The following BCO1 variants were observed in gnomAD, a reference collection of about 807,000 sequenced individuals.
The protein encoded by BCO1 is beta,beta-carotene 15,15'-dioxygenase.
A neutral mutation model predicts 56.3 loss-of-function variants in BCO1; 54 were observed. That is an observed-to-expected ratio of 0.96 (90% CI 0.77 to 1.20). The LOEUF is 1.20. Among genes scored for constraint, BCO1 ranks in the 50% most tolerant of loss-of-function variants. BCO1 has a pLI of 0.00. For missense variants in BCO1, 801 were observed against 690.9 expected, an observed-to-expected ratio of 1.16 and a Z score of -1.79; for synonymous variants, 318 against 266.1, an observed-to-expected ratio of 1.20 and a Z score of -1.90.
chr16:81,264,808 G>C, intron 5 of BCO1, 21 bp downstream of exon 5: 1 of 1,613,772 alleles, frequency 6.2e-7, no homozygotes, highest in Non-Finnish European at 8.5e-7. Flanking sequence ...CTGGGGAATT[G>C]AATAAAACAC....
chr16:81,248,265 T>C (rs1905547448), intron 2 of BCO1, among the ~76,000 whole-genome samples: 1 of 151,734 alleles, frequency 6.6e-6, no homozygotes, highest in Non-Finnish European at 1.5e-5. Flanking sequence ...TAGCTGAGCG[T>C]TGTGGTGAGC....
rs573726418 is a variant in BCO1, at chr16:81,289,889, G to A, written c.1415-459G>A. On this transcript the variant is annotated intron_variant, in intron 10 of 10. Coordinates refer to ENST00000258168, the MANE Select transcript of BCO1 (RefSeq NM_017429.3). ...TTGTTTGTTCGTTTGTTTTGAGGCCGTGTTTCACTCCGTCACCCAGGCTGG... is the reference window on the plus strand; with the variant it reads ...TTGTTTGTTCGTTTGTTTTGAGGCCATGTTTCACTCCGTCACCCAGGCTGG... Among the ~76,000 whole-genome samples the A allele has an allele frequency of 2.8e-4, 43 of 152,216 alleles. No homozygotes were observed. In the South Asian group the frequency reaches 8.7e-3, roughly 31 times the overall value.
intron 4 of BCO1, 78 bp downstream of exon 4, chr16:81,262,361 C>A: frequency 6.6e-7 from 1 of 1,515,042 alleles, no homozygotes; most frequent in South Asian, 1.1e-5. Flanking sequence ...TGAGGTTGCT[C>A]AGCCTGCAAG....
At chr16:81,286,733 A>G (rs968868159) in intron 9 of BCO1, among the ~76,000 whole-genome samples, 3 of 152,156 alleles carry the variant, frequency 2.0e-5, no homozygotes, top group African/African-American at 7.2e-5. Context: ...TTTTAAAAGA[A>G]TTCCTTCTAC....
At chr16:81,276,634 C>G (rs1412717523) in intron 7 of BCO1, among the ~76,000 whole-genome samples, 1 of 152,236 alleles carries the variant, frequency 6.6e-6, no homozygotes, top group East Asian at 1.9e-4. Flanking sequence ...GTCATCCTTT[C>G]AGACCAGCAC....
At chr16:81,255,895 G>A (rs1029907832) in intron 2 of BCO1, among the ~76,000 whole-genome samples, 6 of 151,446 alleles carry the variant, frequency 4.0e-5, no homozygotes, top group Admixed American at 6.6e-5. Context: ...GCACGATTTC[G>A]GCTCACTGCA....
chr16:81,274,010 C>T (rs535891443), intron 7 of BCO1, among the ~76,000 whole-genome samples: 5 of 152,168 alleles, frequency 3.3e-5, no homozygotes, highest in South Asian at 4.1e-4. Flanking sequence ...GAGCCCTGGG[C>T]GCCTGCACCC....
intron 1 of BCO1, among the ~76,000 whole-genome samples, chr16:81,240,751 G>A (rs1243436038): frequency 2.0e-5 from 3 of 151,592 alleles, no homozygotes; most frequent in Admixed American, 6.6e-5. Flanking sequence ...TGGCCAACCT[G>A]GTATGGTGAA....
rs1567467570 is a variant in BCO1, at chr16:81,287,375, G to A, written c.1383G>A (p.Val461=). The part of the protein sequence containing the change: ...DDCWPAEPLF[V]PAPGAKDEDD... ...GCTGGCCAGCGGAACCCCTGTTTGT[G>A]CCCGCGCCAGGTGCCAAGGATGAGG... Residue 461 remains valine (V), a synonymous_variant, in exon 10 of 11, where the codon GTG becomes GTA. Coordinates refer to ENST00000258168, the MANE Select transcript of BCO1 (RefSeq NM_017429.3). The A allele has an allele frequency of 6.2e-7, 1 of 1,613,944 alleles. No homozygotes were observed.
rs140089885 is a variant in BCO1 at position 81,272,826 on chromosome 16, C to A, written c.1101+2410C>A. 4.7e-3 allele frequency among the ~76,000 whole-genome samples: 714 copies of A among 152,300 alleles called. 5 individuals carry two copies. Among genetic ancestry groups the A allele is most frequent in the Non-Finnish European group, 8.7e-3 (591 of 68,034 alleles). ...TACCTCACTTAATGATCAAAACAAC[C>A]TGTGGGAAACGTCCCTGTAGAAGCC... On this transcript the variant is annotated intron_variant, in intron 7 of 10. Transcript: ENST00000258168.
At chr16:81,254,447 A>C (rs1906005057) in intron 2 of BCO1, among the ~76,000 whole-genome samples, 1 of 149,862 alleles carries the variant, frequency 6.7e-6, no homozygotes, top group African/African-American at 2.5e-5. Context: ...CACCACACCA[A>C]GCATTTTTTT....
intron 3 of BCO1, 96 bp downstream of exon 3, chr16:81,259,901 G>A: frequency 6.6e-7 from 1 of 1,517,916 alleles, no homozygotes. Flanking sequence ...ATTCTCTTTA[G>A]GGTAGATGAA....
At chr16:81,276,329 C>G (rs867029184) in intron 7 of BCO1, among the ~76,000 whole-genome samples, 9 of 152,340 alleles carry the variant, frequency 5.9e-5, no homozygotes, top group Middle Eastern at 6.8e-3. Context: ...TCTGACTACC[C>G]AGAGGGGTGC....
At chr16:81,250,456 T>G (rs1181819776) in intron 2 of BCO1, among the ~76,000 whole-genome samples, 1 of 152,016 alleles carries the variant, frequency 6.6e-6, no homozygotes, top group East Asian at 1.9e-4. Context: ...ACACCAGAAA[T>G]GTTCAGTTCC....
intron 2 of BCO1, among the ~76,000 whole-genome samples, chr16:81,254,943 C>G (rs1906036289): frequency 6.6e-6 from 1 of 152,046 alleles, no homozygotes; most frequent in Non-Finnish European, 1.5e-5. Context: ...ACTACCATAC[C>G]CATCTGATTT....
At chr16:81,266,774 T>A (rs1316739552) in intron 5 of BCO1, among the ~76,000 whole-genome samples, 1 of 152,186 alleles carries the variant, frequency 6.6e-6, no homozygotes, top group African/African-American at 2.4e-5. Flanking sequence ...TCTGAGCACC[T>A]GCTCCATGCT....
intron 2 of BCO1, among the ~76,000 whole-genome samples, chr16:81,246,278 C>A (rs1905411447): frequency 6.6e-6 from 1 of 151,950 alleles, no homozygotes; most frequent in Admixed American, 6.6e-5. Context: ...TCAGATAATC[C>A]CTAGATAATC....
chr16:81,266,852 G>T (rs1011293335), intron 5 of BCO1, among the ~76,000 whole-genome samples: 4 of 152,150 alleles, frequency 2.6e-5, no homozygotes, highest in Non-Finnish European at 4.4e-5. Context: ...GTTTCAGTTT[G>T]CATTGTGTTC....
intron 2 of BCO1, among the ~76,000 whole-genome samples, chr16:81,251,294 C>T (rs1286052709): frequency 6.6e-6 from 1 of 151,978 alleles, no homozygotes; most frequent in Non-Finnish European, 1.5e-5. Flanking sequence ...GGTTGTGGTT[C>T]ATGCCTATAA....
Sources: allele counts gnomAD v4.1 joint callset (sites outside exome capture counted in the v4.1 genomes callset), GRCh38; gene constraint gnomAD v4.1.1; transcripts MANE v1.5; gene names NCBI Gene and HGNC (gene_info 2026-07-23, HGNC 2026-07-21).